The following TRAT1 variants were observed in gnomAD, a reference collection of about 807,000 sequenced individuals.
The protein encoded by TRAT1 is T cell receptor associated transmembrane adaptor 1.
In TRAT1, 20 loss-of-function variants were observed where a neutral mutation model predicts 20.0. The observed-to-expected ratio is 1.00, with a 90% CI of 0.70 to 1.45. The LOEUF is 1.45. Ranked by LOEUF, TRAT1 falls within the 40% of genes most tolerant of loss-of-function variation. TRAT1 has a pLI of 0.00. For synonymous variants in TRAT1, 77 were observed against 74.2 expected (o/e 1.04, Z -0.20); for missense variants, 237 against 224.1 (o/e 1.06, Z -0.37).
At chr3:108,838,375 TAG>T (rs1945859575) in intron 2 of TRAT1, among the ~76,000 whole-genome samples, 1 of 151,568 alleles carries the variant, frequency 6.6e-6, no homozygotes, top group African/African-American at 2.4e-5. Context: ...GATAGATAGA[TAG>T]ATAGATAGAT....
chr3:108,838,992 C>A (rs1945866770), intron 3 of TRAT1, 25 bp downstream of exon 3: 2 of 1,569,240 alleles, frequency 1.3e-6, no homozygotes, highest in Non-Finnish European at 1.8e-6. Context: ...AGTCATGGAT[C>A]ATGATTCCCA....
At chr3:108,848,642 G>A (rs1559825247) in intron 4 of TRAT1, among the ~76,000 whole-genome samples, 3 of 152,156 alleles carry the variant, frequency 2.0e-5, no homozygotes, top group Admixed American at 6.5e-5. Flanking sequence ...TGAGATGTCC[G>A]TCACTGATTG....
intron 1 of TRAT1, among the ~76,000 whole-genome samples, 158 bp downstream of exon 1, chr3:108,823,092 T>C (rs976958225): frequency 4.6e-5 from 7 of 152,100 alleles, no homozygotes; most frequent in African/African-American, 1.7e-4. Context: ...AACATGTTAA[T>C]GAGTATAAGT....
At chr3:108,850,807 TAG>T (rs1945991945) in intron 5 of TRAT1, among the ~76,000 whole-genome samples, 1 of 152,340 alleles carries the variant, frequency 6.6e-6, no homozygotes, top group East Asian at 1.9e-4. Context: ...ATCTGAAGTG[TAG>T]AGATTCACAG....
intron 3 of TRAT1, among the ~76,000 whole-genome samples, chr3:108,841,952 T>C (rs1391370170): frequency 6.6e-6 from 1 of 152,172 alleles, no homozygotes; most frequent in African/African-American, 2.4e-5. Context: ...TGAGCATTGG[T>C]GAAATTTGGT....
At position 108,854,766 on chromosome 3, in the gene TRAT1, T is replaced by C. The variant is rs893029338; in HGVS notation, c.*889T>C. The C allele has an allele frequency of 6.6e-6, 1 of 152,182 alleles. No individual in the cohort carries two copies. The highest frequency in any genetic ancestry group is 2.4e-5 in the African/African-American group (1 of 41,460). The allele number at this position is 152,182 out of a possible 1,614,324, so 9.4% of individuals were successfully genotyped here. A position where few individuals can be genotyped will look rare whatever the true frequency, so the allele number is the denominator to read the frequency against. ...CCCCACTGATAACCAAATCACAGTT[T>C]ATTTAAATAATTTTAATGACTTTTC... is the stretch of plus-strand genomic sequence containing the variant. On this transcript the variant is annotated 3_prime_UTR_variant, in exon 6 of 6. Transcript: ENST00000295756.
At chr3:108,832,766 T>C (rs772508511) in intron 2 of TRAT1, among the ~76,000 whole-genome samples, 4 of 152,212 alleles carry the variant, frequency 2.6e-5, no homozygotes, top group Non-Finnish European at 4.4e-5. Context: ...TTGAGCTCAA[T>C]TGTCTAACTT....
At position 108,854,694 on chromosome 3, in the gene TRAT1, A is replaced by T. The variant is rs949465011; in HGVS notation, c.*817A>T. On this transcript the variant is annotated 3_prime_UTR_variant, in exon 6 of 6. Coordinates refer to ENST00000295756, the MANE Select transcript of TRAT1 (RefSeq NM_016388.4). ...GGATTTATTTTCACTGTTATATTTA[A>T]CTATATATAAATACGCATATATTGT... 9 of 152,274 alleles carry T rather than the reference A, an allele frequency of 5.9e-5. No individual in the cohort carries two copies. The highest frequency in any genetic ancestry group is 1.7e-4 in the African/African-American group (7 of 41,578). The allele number at this position is 152,274 out of a possible 1,614,324, so 9.4% of individuals were successfully genotyped here. A position where few individuals can be genotyped will look rare whatever the true frequency, so the allele number is the denominator to read the frequency against.
chr3:108,831,229 C>G (rs886400312), intron 2 of TRAT1, among the ~76,000 whole-genome samples: 1 of 152,172 alleles, frequency 6.6e-6, no homozygotes, highest in Non-Finnish European at 1.5e-5. Context: ...GGTCAGAAGA[C>G]GACTGGAAAA....
At chr3:108,849,042 G>A in intron 4 of TRAT1, 124 bp from the exon 5 acceptor site, 1 of 783,346 alleles carries the variant, frequency 1.3e-6, no homozygotes. Flanking sequence ...CCACCAAAAA[G>A]ACTAGTTAAG....
intron 2 of TRAT1, among the ~76,000 whole-genome samples, chr3:108,835,079 A>G (rs1248157346): frequency 6.6e-6 from 1 of 152,238 alleles, no homozygotes; most frequent in Non-Finnish European, 1.5e-5. Flanking sequence ...TTGGTCATAC[A>G]TCAAAGTCCT....
intron 3 of TRAT1, 45 bp downstream of exon 3, chr3:108,839,012 C>T: frequency 1.4e-6 from 2 of 1,395,976 alleles, no homozygotes; most frequent in African/African-American, 1.4e-5. Context: ...AACTAATAAG[C>T]AAAAGTAACA....
chr3:108,828,661 C>T (rs932875676), intron 1 of TRAT1, among the ~76,000 whole-genome samples: 3 of 152,136 alleles, frequency 2.0e-5, no homozygotes, highest in African/African-American at 4.8e-5. Context: ...TTTCATATGG[C>T]TTCTTTGTCT....
chr3:108,844,610 C>T (rs1188500205), intron 3 of TRAT1, among the ~76,000 whole-genome samples: 9 of 151,172 alleles, frequency 6.0e-5, no homozygotes, highest in Admixed American at 5.3e-4. Flanking sequence ...TTTGGGAGGC[C>T]GAGGCGGGCA....
Position 108,854,282 on chromosome 3 carries a change from GT to G in TRAT1, c.*414del, listed in dbSNP as rs1053560682. 5 of 155,352 alleles carry G rather than the reference GT, an allele frequency of 3.2e-5. No individual in the cohort carries two copies. The highest frequency in any genetic ancestry group is 3.1e-3 in the Middle Eastern group (1 of 318). The allele number at this position is 155,352 out of a possible 1,614,324, so 9.6% of individuals were successfully genotyped here. A position where few individuals can be genotyped will look rare whatever the true frequency, so the allele number is the denominator to read the frequency against. On this transcript the variant is annotated 3_prime_UTR_variant, in exon 6 of 6. Coordinates refer to ENST00000295756, the MANE Select transcript of TRAT1 (RefSeq NM_016388.4). ...TTAGAAGAAAAATAAAAGCCAATGA[GT>G]TTTTTTTTAATTCTCCTTTCTCACC...
chr3:108,844,114 G>T (rs1169514909), intron 3 of TRAT1, among the ~76,000 whole-genome samples: 2 of 152,256 alleles, frequency 1.3e-5, no homozygotes, highest in East Asian at 3.9e-4. Flanking sequence ...CCCATCTCTG[G>T]CAACTTCTCA....
chr3:108,851,384 T>G (rs769657430), intron 5 of TRAT1, among the ~76,000 whole-genome samples: 1 of 152,202 alleles, frequency 6.6e-6, no homozygotes, highest in Non-Finnish European at 1.5e-5. Context: ...CCAAAACATT[T>G]GAAAAATACA....
intron 5 of TRAT1, among the ~76,000 whole-genome samples, chr3:108,850,372 T>C (rs1388411151): frequency 6.6e-6 from 1 of 151,728 alleles, no homozygotes; most frequent in Admixed American, 6.6e-5. Context: ...TGGCACAATC[T>C]CCACTCACTG....
At chr3:108,838,797 A>C in intron 2 of TRAT1, 137 bp from the exon 3 acceptor site, 1 of 720,314 alleles carries the variant, frequency 1.4e-6, no homozygotes, top group Non-Finnish European at 2.5e-6. Flanking sequence ...CCCTACTTCA[A>C]TCAGAGGTGC....
Sources: gnomAD v4.1 joint callset for allele counts (sites outside exome capture counted in the v4.1 genomes callset) on GRCh38, gnomAD v4.1.1 for gene constraint, MANE v1.5 for transcripts, NCBI Gene and HGNC (gene_info 2026-07-23, HGNC 2026-07-21) for gene names.